Variants in GALNT18 observed in about 807,000 individuals in gnomAD.
The protein encoded by GALNT18 is GalNAc-transferase 18.
GALNT18 carries 44 observed loss-of-function variants against 69.5 expected under a neutral mutation model. The observed-to-expected ratio is 0.63, with a 90% confidence interval of 0.50 to 0.81. GALNT18 has a LOEUF of 0.81. GALNT18 is among the 40% of genes least tolerant of loss of function. The pLI is 0.00. For synonymous variants in GALNT18, 364 were observed against 318.2 expected (o/e 1.14, Z -1.53); for missense variants, 715 against 810.0 (o/e 0.88, Z 1.42).
chr11:11,356,739 T>C lies in GALNT18; in HGVS notation c.1093-15735A>G, dbSNP rs898729634. Among the ~76,000 whole-genome samples the C allele has an allele frequency of 6.6e-6, 1 of 152,194 alleles. No homozygotes were observed. The highest frequency in any genetic ancestry group is 1.5e-5 in the Non-Finnish European group (1 of 68,034). On this transcript the variant is annotated intron_variant, in intron 6 of 10. Coordinates refer to ENST00000227756, the MANE Select transcript of GALNT18 (RefSeq NM_198516.3). The surrounding 1 kb of genome is among the most constrained non-coding windows in gnomAD (Gnocchi z 4.4). ...TATACAGCTCCCTCATTGAATGCAATTGAAAAAACCAAAGTGTGAAGACCA... is the reference window on the plus strand; with the variant it reads ...TATACAGCTCCCTCATTGAATGCAACTGAAAAAACCAAAGTGTGAAGACCA...
intron 6 of GALNT18, among the ~76,000 whole-genome samples, chr11:11,344,783 A>G (rs7937941): frequency 0.1 from 15,188 of 152,084 alleles, 2,572 homozygotes; most frequent in African/African-American, 0.35. Context: ...CAAGGAAGCA[A>G]AGACACCCTG....
At position 11,372,723 on chromosome 11, in the gene GALNT18, T is replaced by G; in HGVS notation, c.978-94A>C. On this transcript the variant is annotated intron_variant, in intron 5 of 10. Coordinates refer to ENST00000227756, the MANE Select transcript of GALNT18 (RefSeq NM_198516.3). The surrounding 1 kb of genome is among the most constrained non-coding windows in gnomAD (Gnocchi z 4.9). ...TTCCTATCAGGAGGGTCTGGTTCTC[T>G]TCCTTCCTTTGCTGCCAGAGCCAGT... The G allele has an allele frequency of 8.3e-6, 8 of 968,240 alleles. No homozygotes were observed. The highest frequency in any genetic ancestry group is 1.6e-5 in the African/African-American group (1 of 62,384). 60.0% of individuals were successfully genotyped at this position (968,240 alleles called of 1,614,324 possible). A position where few individuals can be genotyped will look rare whatever the true frequency, so the allele number is the denominator to read the frequency against.
At chr11:11,567,178 G>A (rs1290441212) in intron 1 of GALNT18, among the ~76,000 whole-genome samples, 1 of 152,168 alleles carries the variant, frequency 6.6e-6, no homozygotes, top group Non-Finnish European at 1.5e-5. Flanking sequence ...AAGGCCACCT[G>A]GAAGCCTATA....
At position 11,563,314 on chromosome 11, in the gene GALNT18, G is replaced by A. The variant is rs1341072517; in HGVS notation, c.235+58045C>T. On this transcript the variant is annotated intron_variant, in intron 1 of 10. Coordinates refer to ENST00000227756, the MANE Select transcript of GALNT18 (RefSeq NM_198516.3). This position sits in a 1 kb window ranked among gnomAD's most constrained non-coding sequence, Gnocchi z 4.6. Reference sequence around the variant, plus strand: ...CTCCATCTGCAGTCTTTTCTTTCCGGAAGCTTTGCTCCAGTCATCTAAGTA... The same window carrying A: ...CTCCATCTGCAGTCTTTTCTTTCCGAAAGCTTTGCTCCAGTCATCTAAGTA... 1.3e-5 allele frequency among the ~76,000 whole-genome samples: 2 copies of A among 152,090 alleles called. No homozygotes were observed. Among genetic ancestry groups the A allele is most frequent in the Non-Finnish European group, 2.9e-5 (2 of 68,020 alleles).
chr11:11,368,035 C>T (rs7131111), intron 6 of GALNT18, among the ~76,000 whole-genome samples: 4,806 of 152,216 alleles, frequency 0.032, 115 homozygotes, highest in Middle Eastern at 0.078. Context: ...TAACCTATTC[C>T]GTAGTCTTTA....
chr11:11,537,436 T>C (rs1403718990), intron 1 of GALNT18, among the ~76,000 whole-genome samples: 2 of 152,196 alleles, frequency 1.3e-5, no homozygotes, highest in African/African-American at 2.4e-5. Flanking sequence ...CAGGCAATCA[T>C]GTTTTATAAG....
At chr11:11,307,549 C>G (rs983559828) in intron 9 of GALNT18, among the ~76,000 whole-genome samples, 2 of 152,148 alleles carry the variant, frequency 1.3e-5, no homozygotes, top group African/African-American at 4.8e-5. Context: ...GATCTGAACT[C>G]AAGTCATCTG....
rs1859220159 is a variant in GALNT18 at position 11,586,182 on chromosome 11, T to C, written c.235+35177A>G. ...CCATGCCATCTAGGGTATTTTATTA[T>C]AGCAGTCTGAATGGACTAAAACAAA... is the stretch of plus-strand genomic sequence containing the variant. On this transcript the variant is annotated intron_variant, in intron 1 of 10. Coordinates refer to ENST00000227756, the MANE Select transcript of GALNT18 (RefSeq NM_198516.3). This position sits in a 1 kb window ranked among gnomAD's most constrained non-coding sequence, Gnocchi z 4.1. Among the ~76,000 whole-genome samples, 1 of 152,220 alleles carries C rather than the reference T, an allele frequency of 6.6e-6. No individual in the cohort carries two copies. Among genetic ancestry groups the C allele is most frequent in the South Asian group, 2.1e-4 (1 of 4,836 alleles).
In GALNT18 at chr11:11,444,845, C is replaced by T. The variant is rs1055060928; in HGVS notation, c.428+3899G>A. ...CAGCAGGAACAGAAGTCCCGAAGAG[C>T]AAACTGGAATTCACAAGAGGCACAG... On this transcript the variant is annotated intron_variant, in intron 2 of 10. Coordinates refer to ENST00000227756, the MANE Select transcript of GALNT18 (RefSeq NM_198516.3). This position sits in a 1 kb window ranked among gnomAD's most constrained non-coding sequence, Gnocchi z 4.4. Among the ~76,000 whole-genome samples, 5 of 152,086 alleles carry T rather than the reference C, an allele frequency of 3.3e-5. No individual in the cohort carries two copies. The highest frequency in any genetic ancestry group is 7.4e-5 in the Non-Finnish European group (5 of 68,018).
intron 1 of GALNT18, among the ~76,000 whole-genome samples, chr11:11,575,687 T>C (rs2134004487): frequency 6.6e-6 from 1 of 151,994 alleles, no homozygotes; most frequent in African/African-American, 2.4e-5. Context: ...CTTCCTCACA[T>C]CCTCCCCAGA....
At chr11:11,285,244 A>AC (rs2132992607) in intron 10 of GALNT18, among the ~76,000 whole-genome samples, 1 of 152,112 alleles carries the variant, frequency 6.6e-6, no homozygotes, top group East Asian at 1.9e-4. Flanking sequence ...TAAAGCATGG[A>AC]CCCCAGAGGC....
Position 11,621,747 on chromosome 11 carries a change from G to A in GALNT18, c.-154C>T. On this transcript the variant is annotated 5_prime_UTR_variant, in exon 1 of 11. Coordinates refer to ENST00000227756, the MANE Select transcript of GALNT18 (RefSeq NM_198516.3). The surrounding 1 kb of genome is among the most constrained non-coding windows in gnomAD (Gnocchi z 9.3). Reference sequence around the variant, plus strand: ...CTCCAAAGCCCGGTCCGCTGCCGGTGTAGCCGCCGTGCCCAAGTTTGCAGC... The same window carrying A: ...CTCCAAAGCCCGGTCCGCTGCCGGTATAGCCGCCGTGCCCAAGTTTGCAGC... 8.2e-6 allele frequency: 5 copies of A among 612,230 alleles called. No individual in the cohort carries two copies. Among genetic ancestry groups the A allele is most frequent in the Non-Finnish European group, 1.4e-5 (5 of 348,682 alleles). The allele number at this position is 612,230 out of a possible 1,614,324, so 37.9% of individuals were successfully genotyped here.
chr11:11,597,995 A>G (rs184718828), intron 1 of GALNT18, among the ~76,000 whole-genome samples: 2 of 152,094 alleles, frequency 1.3e-5, no homozygotes, highest in African/African-American at 4.8e-5. Context: ...TTGTCAGTCT[A>G]TCTAAAGTTC....
intron 10 of GALNT18, among the ~76,000 whole-genome samples, chr11:11,281,878 G>A (rs187114026): frequency 3.9e-4 from 60 of 152,072 alleles, no homozygotes; most frequent in African/African-American, 1.3e-3. Flanking sequence ...CAGGGAGGGT[G>A]GAGTATGAGG....
rs1238029994 is a variant in GALNT18, at chr11:11,523,137, G to A, written c.236-74201C>T. Among the ~76,000 whole-genome samples the A allele has an allele frequency of 6.6e-6, 1 of 152,188 alleles. No homozygotes were observed. The highest frequency in any genetic ancestry group is 1.5e-5 in the Non-Finnish European group (1 of 68,034). ...AATTCCATCTGAGTGAAGGTCTACA[G>A]TGCTATTTTGAGCCAGGAGGTCTGC... is the stretch of plus-strand genomic sequence containing the variant. On this transcript the variant is annotated intron_variant, in intron 1 of 10. Transcript: ENST00000227756. This position sits in a 1 kb window ranked among gnomAD's most constrained non-coding sequence, Gnocchi z 4.3.
chr11:11,490,916 A>G (rs1171582914), intron 1 of GALNT18, among the ~76,000 whole-genome samples: 1 of 152,230 alleles, frequency 6.6e-6, no homozygotes, highest in Non-Finnish European at 1.5e-5. Context: ...TTATTCTGGC[A>G]TAGCCACACT....
chr11:11,377,776 T>A lies in GALNT18; in HGVS notation c.780-397A>T, dbSNP rs541438832. Among the ~76,000 whole-genome samples, 1 of 152,164 alleles carries A rather than the reference T, an allele frequency of 6.6e-6. No homozygotes were observed. The highest frequency in any genetic ancestry group is 2.4e-5 in the African/African-American group (1 of 41,418). The stretch of plus-strand genomic sequence containing the variant: ...GGGCTTTGATTTTGCTAAAATTCTA[T>A]GTGTCAACCTGGAGGAAAAGACAGA... On this transcript the variant is annotated intron_variant, in intron 4 of 10. Coordinates refer to ENST00000227756, the MANE Select transcript of GALNT18 (RefSeq NM_198516.3). This position sits in a 1 kb window ranked among gnomAD's most constrained non-coding sequence, Gnocchi z 4.6.
At chr11:11,493,071 G>A (rs866287667) in intron 1 of GALNT18, among the ~76,000 whole-genome samples, 10 of 151,954 alleles carry the variant, frequency 6.6e-5, no homozygotes, top group Middle Eastern at 3.4e-3. Flanking sequence ...GATCAACCTG[G>A]CCAGTATGGT....
intron 1 of GALNT18, among the ~76,000 whole-genome samples, chr11:11,449,669 T>A (rs1308613974): frequency 6.6e-6 from 1 of 152,170 alleles, no homozygotes; most frequent in Non-Finnish European, 1.5e-5. Flanking sequence ...TGGAGGGGAA[T>A]CACTAACTGT....
Sources: gnomAD v4.1 joint callset for allele counts (sites outside exome capture counted in the v4.1 genomes callset) on GRCh38, gnomAD v4.1.1 for gene constraint, Gnocchi (gnomAD v3.1) non-coding constraint, MANE v1.5 for transcripts, NCBI Gene and HGNC (gene_info 2026-07-23, HGNC 2026-07-21) for gene names.